ASB1: variants seen among roughly 807,000 people sequenced by gnomAD.
ASB1 encodes ankyrin repeat and SOCS box protein 1.
Under a neutral mutation model 27.7 loss-of-function variants are expected in ASB1, and 18 were observed. The observed-to-expected ratio is 0.65, with a 90% CI of 0.45 to 0.96. The LOEUF is 0.96. ASB1 is among the 50% of genes least tolerant of loss of function. The pLI, the probability that ASB1 is intolerant of heterozygous loss-of-function variation, is 0.00. For synonymous variants in ASB1, 189 were observed against 187.6 expected, an observed-to-expected ratio of 1.01 and a Z score of -0.06; for missense variants, 397 against 451.7, an observed-to-expected ratio of 0.88 and a Z score of 1.10.
rs550671173 is a variant in ASB1, at chr2:238,446,416, G to A, written c.913G>A (p.Val305Met). The change falls in exon 5 of 5, where the codon GTG becomes ATG. Residue 305 changes from valine to methionine, a missense_variant. By Grantham distance (21) the Val-to-Met change is conservative. Transcript: ENST00000264607. Reference protein sequence around the residue: ...VPRTLLCLCRVAVRRALGKHR... With the variant: ...VPRTLLCLCRMAVRRALGKHR... ...CAGAACCTTGCTGTGTCTGTGCCGT[G>A]TGGCTGTGAGAAGAGCTCTTGGCAA... 6.2e-7 allele frequency: 1 copy of A among 1,613,224 alleles called. No homozygotes were observed. Among genetic ancestry groups the A allele is most frequent in the African/African-American group, 1.3e-5 (1 of 75,016 alleles).
At position 238,427,087 on chromosome 2, in the gene ASB1, G is replaced by T; in HGVS notation, c.17G>T (p.Ser6Ile). 1 of 1,262,382 alleles carries T rather than the reference G, an allele frequency of 7.9e-7. No individual in the cohort carries two copies. Among genetic ancestry groups the T allele is most frequent in the Non-Finnish European group, 1.0e-6 (1 of 1,004,910 alleles). 78.2% of individuals were successfully genotyped at this position (1,262,382 alleles called of 1,614,324 possible). The stretch of plus-strand genomic sequence containing the variant: ...GAAGCATCCATGGCGGAGGGCGGCA[G>T]CCCAGACGGGCGGGCAGGGCCGGGC... The part of the protein sequence containing the change: MAEGG[S>I]PDGRAGPGSA... The change falls in exon 1 of 5, where the codon AGC (serine) becomes ATC (isoleucine). Residue 6 changes from serine (S) to isoleucine (I), a missense_variant. By Grantham distance (142) the Ser-to-Ile change is moderately radical. Coordinates refer to ENST00000264607, the MANE Select transcript of ASB1 (RefSeq NM_001040445.3).
Position 238,447,093 on chromosome 2 carries a change from G to A in ASB1, c.*582G>A, listed in dbSNP as rs891923119. The stretch of plus-strand genomic sequence containing the variant: ...TCTCATAGTGAGTGTCTTCACTCAA[G>A]GGTGGTTTCCTGGCTGCACGGCACC... On this transcript the variant is annotated 3_prime_UTR_variant, in exon 5 of 5. Coordinates refer to ENST00000264607, the MANE Select transcript of ASB1 (RefSeq NM_001040445.3). 3 of 154,864 alleles carry A rather than the reference G, an allele frequency of 1.9e-5. No homozygotes were observed. Among genetic ancestry groups the A allele is most frequent in the African/African-American group, 7.2e-5 (3 of 41,422 alleles). 9.6% of individuals were successfully genotyped at this position (154,864 alleles called of 1,614,324 possible). A position where few individuals can be genotyped will look rare whatever the true frequency, so the allele number is the denominator to read the frequency against.
rs1702185690 is a variant in ASB1 at position 238,446,599 on chromosome 2, G to T, written c.*88G>T. 2 of 1,519,914 alleles carry T rather than the reference G, an allele frequency of 1.3e-6. No individual in the cohort carries two copies. Among genetic ancestry groups the T allele is most frequent in the Admixed American group, 3.3e-5 (2 of 59,778 alleles). 94.2% of individuals were successfully genotyped at this position (1,519,914 alleles called of 1,614,324 possible). A position where few individuals can be genotyped will look rare whatever the true frequency, so the allele number is the denominator to read the frequency against. On this transcript the variant is annotated 3_prime_UTR_variant, in exon 5 of 5. Coordinates refer to ENST00000264607, the MANE Select transcript of ASB1 (RefSeq NM_001040445.3). ...AGCCCTGAGTGCTGTGCTGCTGCTG[G>T]TCTCCTGATGGCTGTTGCTGCAGAA...
At chr2:238,427,822 CT>C (rs1470016318) in intron 1 of ASB1, 1 of 152,394 alleles carries the variant, frequency 6.6e-6, no homozygotes, top group Non-Finnish European at 1.5e-5. Context: ...TGCTGGATTT[CT>C]GAGCTTGCCA....
chr2:238,442,518 C>T (rs892149028), intron 3 of ASB1, among the ~76,000 whole-genome samples: 2 of 152,154 alleles, frequency 1.3e-5, no homozygotes, highest in African/African-American at 4.8e-5. Context: ...TTTTTCATTG[C>T]TTGTTTTACT....
At chr2:238,435,611 AG>A in intron 2 of ASB1, 99 bp from the exon 3 acceptor site, 1 of 1,263,226 alleles carries the variant, frequency 7.9e-7, no homozygotes, top group Non-Finnish European at 1.1e-6. Context: ...GTTATTAACC[AG>A]AGGGGGACCG....
intron 4 of ASB1, among the ~76,000 whole-genome samples, chr2:238,445,136 G>A (rs1702154949): frequency 6.6e-6 from 1 of 151,750 alleles, no homozygotes; most frequent in South Asian, 2.1e-4. Context: ...TGCACACCAT[G>A]CCCAGCTAAT....
At chr2:238,440,374 A>G (rs34029223) in intron 3 of ASB1, among the ~76,000 whole-genome samples, 10,971 of 152,244 alleles carry the variant, frequency 0.072, 670 homozygotes, top group African/African-American at 0.16. Flanking sequence ...TCACCTGGCT[A>G]CCTTTAATCC....
chr2:238,433,833 G>A, intron 2 of ASB1, 138 bp downstream of exon 2: 1 of 1,026,370 alleles, frequency 9.7e-7, no homozygotes, highest in East Asian at 2.6e-5. Flanking sequence ...CGGGGATAAA[G>A]GAGACTGAGG....
chr2:238,448,254 C>G lies in ASB1; in HGVS notation c.*1743C>G, dbSNP rs1395091073. ...GCCCGGGAGAGGGGGTGGGCGTGTTCTTTGTGGTACCAAAGTGGGACTAGG... is the reference window on the plus strand; with the variant it reads ...GCCCGGGAGAGGGGGTGGGCGTGTTGTTTGTGGTACCAAAGTGGGACTAGG... On this transcript the variant is annotated 3_prime_UTR_variant, in exon 5 of 5. Coordinates refer to ENST00000264607, the MANE Select transcript of ASB1 (RefSeq NM_001040445.3). 6.6e-6 allele frequency: 1 copy of G among 152,406 alleles called. No individual in the cohort carries two copies. Among genetic ancestry groups the G allele is most frequent in the Non-Finnish European group, 1.5e-5 (1 of 68,210 alleles). The allele number at this position is 152,406 out of a possible 1,614,324, so 9.4% of individuals were successfully genotyped here.
chr2:238,438,977 C>A (rs1486599594), intron 3 of ASB1, among the ~76,000 whole-genome samples: 2 of 152,164 alleles, frequency 1.3e-5, no homozygotes, highest in Admixed American at 1.3e-4. Flanking sequence ...TGGATCTCAT[C>A]CAGTATATTT....
intron 3 of ASB1, among the ~76,000 whole-genome samples, chr2:238,440,917 G>C (rs1702066251): frequency 6.6e-6 from 1 of 152,222 alleles, no homozygotes; most frequent in Non-Finnish European, 1.5e-5. Context: ...ACTCATGGCT[G>C]TGTACATGCC....
intron 3 of ASB1, among the ~76,000 whole-genome samples, chr2:238,442,517 G>T (rs1029306494): frequency 1.3e-5 from 2 of 152,014 alleles, no homozygotes; most frequent in African/African-American, 4.8e-5. Flanking sequence ...ATTTTTCATT[G>T]CTTGTTTTAC....
chr2:238,428,746 A>G (rs1363792079), intron 1 of ASB1, among the ~76,000 whole-genome samples: 1 of 152,212 alleles, frequency 6.6e-6, no homozygotes, highest in African/African-American at 2.4e-5. Context: ...AGCGAAACAC[A>G]AACTTGAAGT....
At chr2:238,439,256 G>A (rs973627598) in intron 3 of ASB1, among the ~76,000 whole-genome samples, 4 of 152,158 alleles carry the variant, frequency 2.6e-5, no homozygotes, top group African/African-American at 9.7e-5. Context: ...TGTAGTGGAA[G>A]CTTCATTGTC....
intron 4 of ASB1, 113 bp from the exon 5 acceptor site, chr2:238,446,271 T>A: frequency 8.1e-7 from 1 of 1,239,074 alleles, no homozygotes; most frequent in South Asian, 1.5e-5. Flanking sequence ...CGTTTTGAAG[T>A]TGGTAGTGAG....
At chr2:238,442,929 T>G (rs1369412743) in intron 3 of ASB1, among the ~76,000 whole-genome samples, 1 of 152,200 alleles carries the variant, frequency 6.6e-6, no homozygotes, top group Non-Finnish European at 1.5e-5. Flanking sequence ...AGTGCCACAG[T>G]TTTATTTTTA....
At chr2:238,437,104 T>C (rs865976197) in intron 3 of ASB1, among the ~76,000 whole-genome samples, 101 of 152,246 alleles carry the variant, frequency 6.6e-4, no homozygotes, top group African/African-American at 2.3e-3. Flanking sequence ...GTGAACATTA[T>C]TGCTATAGCT....
intron 1 of ASB1, among the ~76,000 whole-genome samples, chr2:238,431,281 G>C (rs926324451): frequency 5.9e-5 from 9 of 152,320 alleles, no homozygotes; most frequent in African/African-American, 2.2e-4. Flanking sequence ...TTTAAACCTC[G>C]TGAACCAACC....
Sources: allele counts gnomAD v4.1 joint callset (sites outside exome capture counted in the v4.1 genomes callset), GRCh38; gene constraint gnomAD v4.1.1; transcripts MANE v1.5; gene names NCBI Gene and HGNC (gene_info 2026-07-23, HGNC 2026-07-21).